Variants in FBXW8 observed in about 807,000 individuals in gnomAD.
The protein encoded by FBXW8 is F-box and WD repeat domain containing 8, also known as F-box/WD repeat-containing protein 8.
Under a neutral mutation model 65.3 loss-of-function variants are expected in FBXW8, and 57 were observed. That is an observed-to-expected ratio of 0.87 (90% CI 0.71 to 1.09). FBXW8 has a LOEUF of 1.09. Among genes scored for constraint, FBXW8 ranks in the 50% least tolerant of loss-of-function variants. FBXW8 has a pLI of 0.00. For synonymous variants in FBXW8, 308 were observed against 330.2 expected, an observed-to-expected ratio of 0.93 and a Z score of 0.73; for missense variants, 777 against 814.8, an observed-to-expected ratio of 0.95 and a Z score of 0.57.
chr12:116,934,602 G>C (rs1173771137), intron 2 of FBXW8, among the ~76,000 whole-genome samples: 1 of 152,036 alleles, frequency 6.6e-6, no homozygotes, highest in Non-Finnish European at 1.5e-5. Context: ...TGGCTTTTAG[G>C]TATTTACCAA....
At chr12:116,982,374 A>T (rs76051556) in intron 5 of FBXW8, among the ~76,000 whole-genome samples, 5,994 of 152,304 alleles carry the variant, frequency 0.039, 244 homozygotes, top group African/African-American at 0.1. Context: ...CAAAGACTAT[A>T]GTAACCAGGG....
intron 8 of FBXW8, among the ~76,000 whole-genome samples, chr12:117,020,636 A>G (rs115804180): frequency 8.1e-4 from 124 of 152,302 alleles, no homozygotes; most frequent in African/African-American, 2.9e-3. Flanking sequence ...TTCAGGGACT[A>G]TACTTTCATG....
Position 116,945,382 on chromosome 12 carries a change from G to A in FBXW8, c.442G>A (p.Val148Met), listed in dbSNP as rs144884698. ...RCAQVSKTWKVIAEDEVLWYR... is the reference protein window; with the variant it reads ...RCAQVSKTWKMIAEDEVLWYR... ...GTTTTAGGTGAGCAAGACGTGGAAG[G>A]TGATTGCAGAGGATGAGGTGCTGTG... The change falls in exon 3 of 11, where the codon GTG (valine) becomes ATG (methionine). Residue 148 changes from valine (V) to methionine (M), a missense_variant. Coordinates refer to ENST00000652555, the MANE Select transcript of FBXW8 (RefSeq NM_153348.3). 13 of 1,612,962 alleles carry A rather than the reference G, an allele frequency of 8.1e-6. No individual in the cohort carries two copies. In the African/African-American group the frequency reaches 1.1e-4, roughly 13 times the overall value.
chr12:117,014,759 A>C (rs1953907465), intron 8 of FBXW8, among the ~76,000 whole-genome samples: 1 of 152,134 alleles, frequency 6.6e-6, no homozygotes, highest in Non-Finnish European at 1.5e-5. Context: ...GTTCAGTCTT[A>C]GTTGAGCTCT....
At chr12:117,008,982 G>A (rs772355744) in intron 7 of FBXW8, among the ~76,000 whole-genome samples, 8 of 152,108 alleles carry the variant, frequency 5.3e-5, no homozygotes, top group Non-Finnish European at 1.2e-4. Flanking sequence ...CAGGAGAATC[G>A]CTTGAACCCG....
chr12:116,920,692 G>T (rs992316255), intron 1 of FBXW8, among the ~76,000 whole-genome samples: 7 of 152,118 alleles, frequency 4.6e-5, no homozygotes, highest in African/African-American at 1.7e-4. Flanking sequence ...CAAGTGCAAA[G>T]GTTCTGTGGT....
rs117099816 is a variant in FBXW8, at chr12:117,022,548, G to A, written c.1368-1599G>A. Among the ~76,000 whole-genome samples, 1,264 of 151,794 alleles carry A rather than the reference G, an allele frequency of 8.3e-3. 55 individuals carry two copies. In the South Asian group the frequency reaches 0.1, roughly 13 times the overall value. ...CACGTGCTTGTAGTCCCAGCTATTCGGGACGCTGAGGTGGGAGGATCACCT... is the reference window on the plus strand; with the variant it reads ...CACGTGCTTGTAGTCCCAGCTATTCAGGACGCTGAGGTGGGAGGATCACCT... On this transcript the variant is annotated intron_variant, in intron 8 of 10. Coordinates refer to ENST00000652555, the MANE Select transcript of FBXW8 (RefSeq NM_153348.3).
intron 6 of FBXW8, among the ~76,000 whole-genome samples, chr12:116,988,405 A>G (rs1953151555): frequency 6.6e-6 from 1 of 152,170 alleles, no homozygotes; most frequent in South Asian, 2.1e-4. Flanking sequence ...ATCTTTACCG[A>G]TATGAAAGGT....
At chr12:116,932,309 T>A (rs1881832059) in intron 2 of FBXW8, among the ~76,000 whole-genome samples, 1 of 152,218 alleles carries the variant, frequency 6.6e-6, no homozygotes, top group Non-Finnish European at 1.5e-5. Context: ...GATTCTATAC[T>A]GCATTTTACA....
chr12:116,923,916 T>G (rs750209777), intron 1 of FBXW8, among the ~76,000 whole-genome samples: 6 of 152,144 alleles, frequency 3.9e-5, no homozygotes, highest in Non-Finnish European at 8.8e-5. Flanking sequence ...GGTTTCACCA[T>G]GTTAGCCAGG....
At chr12:116,975,430 C>T (rs1434598881) in intron 5 of FBXW8, among the ~76,000 whole-genome samples, 1 of 152,214 alleles carries the variant, frequency 6.6e-6, no homozygotes, top group Non-Finnish European at 1.5e-5. Flanking sequence ...CTCTCAGGCA[C>T]TGTCGTCATG....
intron 8 of FBXW8, among the ~76,000 whole-genome samples, chr12:117,019,648 G>A (rs1036213879): frequency 9.2e-5 from 14 of 152,148 alleles, no homozygotes; most frequent in African/African-American, 3.4e-4. Flanking sequence ...ACATATGTAT[G>A]GGAGTGTATA....
intron 2 of FBXW8, among the ~76,000 whole-genome samples, chr12:116,928,722 A>G (rs755857087): frequency 3.9e-5 from 6 of 152,170 alleles, no homozygotes; most frequent in Non-Finnish European, 7.3e-5. Flanking sequence ...GATATCATTT[A>G]GGCCAAACTG....
At chr12:117,024,572 A>C (rs953535024) in intron 9 of FBXW8, among the ~76,000 whole-genome samples, 1 of 152,238 alleles carries the variant, frequency 6.6e-6, no homozygotes, top group East Asian at 1.9e-4. Flanking sequence ...CACAATTCCT[A>C]CATTAGCCAG....
chr12:116,945,880 C>T (rs1181847202), intron 3 of FBXW8, among the ~76,000 whole-genome samples: 1 of 152,180 alleles, frequency 6.6e-6, no homozygotes, highest in African/African-American at 2.4e-5. Context: ...AAAAGCACTA[C>T]CTGCATACAA....
Position 117,010,433 on chromosome 12 carries a change from T to C in FBXW8, c.1350T>C (p.Ser450=). ...LSDSPPNLMV[S]GNMDGRVRIH... is the part of the protein sequence containing the mutation. ...ACAGCCCTCCCAACCTCATGGTCAG[T>C]GGCAACATGGACGGGAGGTACGTGA... is the stretch of plus-strand genomic sequence containing the variant. Residue 450 remains serine, a synonymous_variant, in exon 8 of 11, where the codon AGT becomes AGC. Coordinates refer to ENST00000652555, the MANE Select transcript of FBXW8 (RefSeq NM_153348.3). The C allele has an allele frequency of 5.6e-6, 9 of 1,614,206 alleles. No individual in the cohort carries two copies. Among genetic ancestry groups the C allele is most frequent in the Middle Eastern group, 3.3e-4 (2 of 6,062 alleles).
At position 117,028,112 on chromosome 12, in the gene FBXW8, T is replaced by C; in HGVS notation, c.1737T>C (p.Cys579=). 6.2e-7 allele frequency: 1 copy of C among 1,614,204 alleles called. No individual in the cohort carries two copies. Among genetic ancestry groups the C allele is most frequent in the South Asian group, 1.1e-5 (1 of 91,084 alleles). The change falls in exon 11 of 11, where the codon TGT becomes TGC. Residue 579 remains cysteine, a synonymous_variant. Coordinates refer to ENST00000652555, the MANE Select transcript of FBXW8 (RefSeq NM_153348.3). This position sits in a 1 kb window ranked among gnomAD's most constrained non-coding sequence, Gnocchi z 4.1. ...QSPLPVCRSS[C]DAMATHYYDL... Reference sequence around the variant, plus strand: ...CTCTCCCTGTCTGCCGTTCATCCTGTGACGCCATGGCCACTCACTACTACG... The same window carrying C: ...CTCTCCCTGTCTGCCGTTCATCCTGCGACGCCATGGCCACTCACTACTACG...
intron 7 of FBXW8, among the ~76,000 whole-genome samples, chr12:117,007,710 C>T (rs1343811914): frequency 3.3e-5 from 5 of 152,116 alleles, no homozygotes; most frequent in Admixed American, 3.3e-4. Context: ...AAAAATTAGT[C>T]TAATGCATGG....
At chr12:116,970,561 T>G (rs1884593378) in intron 5 of FBXW8, among the ~76,000 whole-genome samples, 10 of 152,224 alleles carry the variant, frequency 6.6e-5, no homozygotes, top group Admixed American at 3.9e-4. Context: ...GTTAGACGGC[T>G]GTAGAGACTA....
Sources: allele counts gnomAD v4.1 joint callset (sites outside exome capture counted in the v4.1 genomes callset), GRCh38; gene constraint gnomAD v4.1.1; non-coding constraint Gnocchi (gnomAD v3.1); transcripts MANE v1.5; gene names NCBI Gene and HGNC (gene_info 2026-07-23, HGNC 2026-07-21).